SNTB1: variants seen among roughly 807,000 people sequenced by gnomAD.
SNTB1 encodes beta-1-syntrophin.
A neutral mutation model predicts 48.9 loss-of-function variants in SNTB1; 36 were observed. The ratio of observed to expected loss-of-function variants is 0.74; its 90% confidence interval spans 0.56 to 0.97. The LOEUF (loss-of-function observed/expected upper bound fraction) is 0.97. Ranked by LOEUF, SNTB1 falls within the 50% of genes least tolerant of loss-of-function variation. The pLI is 0.00. For missense variants in SNTB1, 786 were observed against 703.4 expected (o/e 1.12, Z -1.33); for synonymous variants, 299 against 294.6 (o/e 1.01, Z -0.15).
intron 2 of SNTB1, among the ~76,000 whole-genome samples, chr8:120,659,423 G>C (rs750257501): frequency 2.6e-5 from 4 of 151,916 alleles, no homozygotes; most frequent in Admixed American, 1.3e-4. Context: ...GCAAAAATTC[G>C]GTCACATCTT....
intron 3 of SNTB1, among the ~76,000 whole-genome samples, chr8:120,627,677 C>A (rs1159642802): frequency 1.3e-5 from 2 of 152,120 alleles, no homozygotes. Flanking sequence ...ACAAATTTCC[C>A]TTATTTTCAT....
intron 4 of SNTB1, among the ~76,000 whole-genome samples, chr8:120,573,226 A>C (rs545275650): frequency 1.3e-5 from 2 of 152,278 alleles, no homozygotes; most frequent in Admixed American, 1.3e-4. Context: ...GATAAACAAC[A>C]CTCATTATCA....
intron 3 of SNTB1, among the ~76,000 whole-genome samples, chr8:120,576,974 A>T (rs931847674): frequency 6.6e-6 from 1 of 152,174 alleles, no homozygotes; most frequent in Non-Finnish European, 1.5e-5. Context: ...GCCCTCAGTA[A>T]AACACAGGAT....
intron 1 of SNTB1, among the ~76,000 whole-genome samples, chr8:120,772,095 C>G (rs1819645876): frequency 6.6e-6 from 1 of 152,080 alleles, no homozygotes; most frequent in African/African-American, 2.4e-5. Flanking sequence ...GTTCGAACTC[C>G]TGACCTCAAG....
chr8:120,759,894 A>G (rs1819386850), intron 1 of SNTB1, among the ~76,000 whole-genome samples: 1 of 152,066 alleles, frequency 6.6e-6, no homozygotes, highest in Admixed American at 6.6e-5. Flanking sequence ...TTGATTTTCA[A>G]CTCAAGCACA....
intron 1 of SNTB1, among the ~76,000 whole-genome samples, chr8:120,805,474 A>C (rs1563608755): frequency 6.6e-6 from 1 of 152,160 alleles, no homozygotes; most frequent in Non-Finnish European, 1.5e-5. Flanking sequence ...CCGCCATTGC[A>C]GGCTTTCAAA....
chr8:120,600,117 A>T (rs1479469144), intron 3 of SNTB1, among the ~76,000 whole-genome samples: 1 of 152,232 alleles, frequency 6.6e-6, no homozygotes, highest in African/African-American at 2.4e-5. Flanking sequence ...CCACAAATCC[A>T]TCAAGAAGTA....
intron 2 of SNTB1, among the ~76,000 whole-genome samples, chr8:120,652,146 T>C (rs1269595025): frequency 6.6e-6 from 1 of 152,242 alleles, no homozygotes; most frequent in Non-Finnish European, 1.5e-5. Context: ...AACCATCTTG[T>C]CTCAAGCCCA....
intron 1 of SNTB1, among the ~76,000 whole-genome samples, chr8:120,744,550 C>A (rs1157940818): frequency 6.6e-6 from 1 of 152,098 alleles, no homozygotes; most frequent in African/African-American, 2.4e-5. Context: ...TTCATTTTTA[C>A]CAGTAAATAT....
At chr8:120,567,108 C>T (rs530484934) in intron 4 of SNTB1, among the ~76,000 whole-genome samples, 25 of 152,296 alleles carry the variant, frequency 1.6e-4, no homozygotes, top group Non-Finnish European at 2.4e-4. Context: ...CTTAACTACT[C>T]AGTTCCTCAG....
chr8:120,690,441 C>T (rs759711677), intron 2 of SNTB1, among the ~76,000 whole-genome samples: 19 of 152,120 alleles, frequency 1.2e-4, no homozygotes, highest in East Asian at 5.8e-4. Context: ...CTGCAGTTTC[C>T]GCTATAAAAG....
At chr8:120,697,922 G>T (rs1423751825) in intron 1 of SNTB1, among the ~76,000 whole-genome samples, 1 of 152,186 alleles carries the variant, frequency 6.6e-6, no homozygotes, top group Non-Finnish European at 1.5e-5. Context: ...TTAGGGAGCT[G>T]TAGATAAGAA....
At chr8:120,551,367 A>T (rs1298635256) in intron 4 of SNTB1, among the ~76,000 whole-genome samples, 1 of 152,182 alleles carries the variant, frequency 6.6e-6, no homozygotes, top group African/African-American at 2.4e-5. Context: ...CCTTTTTAAA[A>T]TTTTAACATC....
chr8:120,572,978 A>G (rs1815883361), intron 4 of SNTB1, among the ~76,000 whole-genome samples: 1 of 152,184 alleles, frequency 6.6e-6, no homozygotes, highest in Non-Finnish European at 1.5e-5. Flanking sequence ...TAATGTTGCA[A>G]TGAACATGGG....
At chr8:120,617,144 A>G (rs368305312) in intron 3 of SNTB1, among the ~76,000 whole-genome samples, 2 of 152,326 alleles carry the variant, frequency 1.3e-5, no homozygotes, top group Admixed American at 6.5e-5. Flanking sequence ...GTGTTAGTGT[A>G]TTTTGTGTGT....
chr8:120,767,385 T>C (rs910506439), intron 1 of SNTB1, among the ~76,000 whole-genome samples: 4 of 152,224 alleles, frequency 2.6e-5, no homozygotes, highest in African/African-American at 9.6e-5. Flanking sequence ...AAGTACTTTA[T>C]AATTGTACAA....
chr8:120,781,579 G>GT (rs1303914394), intron 1 of SNTB1, among the ~76,000 whole-genome samples: 2 of 152,192 alleles, frequency 1.3e-5, no homozygotes, highest in African/African-American at 4.8e-5. Context: ...AGTTAAGTGG[G>GT]TGACCCAAGG....
Position 120,541,995 on chromosome 8 carries a change from T to C in SNTB1, c.1339A>G (p.Thr447Ala). 3.1e-6 allele frequency: 5 copies of C among 1,613,044 alleles called. No homozygotes were observed. The highest frequency in any genetic ancestry group is 1.3e-5 in the African/African-American group (1 of 74,970). ...AAACGGCACTCCTGGTTTTTGTAGG[T>C]GCAAGCTGAGAGAGAAAGAGAGAGA... Reference protein sequence around the residue: ...ELIAEISTACTYKNQECRLTI... With the variant: ...ELIAEISTACAYKNQECRLTI... Residue 447 changes from threonine (T) to alanine (A), a missense_variant, in exon 6 of 7, where the codon ACC becomes GCC. Transcript: ENST00000517992.
intron 4 of SNTB1, among the ~76,000 whole-genome samples, chr8:120,568,696 G>A (rs977880054): frequency 2.0e-5 from 3 of 152,196 alleles, no homozygotes; most frequent in Admixed American, 6.5e-5. Context: ...CTACTACTTC[G>A]AGAGGATAGA....
Sources: gnomAD v4.1 joint callset for allele counts (sites outside exome capture counted in the v4.1 genomes callset) on GRCh38, gnomAD v4.1.1 for gene constraint, MANE v1.5 for transcripts, NCBI Gene and HGNC (gene_info 2026-07-23, HGNC 2026-07-21) for gene names.